Variants in MMP26 observed in about 807,000 individuals in gnomAD.
The protein encoded by MMP26 is matrix metallopeptidase 26.
In MMP26, 33 loss-of-function variants were observed where a neutral mutation model predicts 31.0. The observed-to-expected ratio is 1.06, with a 90% confidence interval of 0.81 to 1.42. The LOEUF is 1.42. Among genes scored for constraint, MMP26 ranks in the 40% most tolerant of loss-of-function variants. The pLI is 0.00. For missense variants in MMP26, 347 were observed against 316.1 expected (o/e 1.10, Z -0.74); for synonymous variants, 122 against 114.9 (o/e 1.06, Z -0.40).
intron 2 of MMP26, among the ~76,000 whole-genome samples, chr11:4,976,779 T>A (rs1307176714): frequency 6.6e-6 from 1 of 152,032 alleles, no homozygotes; most frequent in African/African-American, 2.4e-5. Flanking sequence ...GCATGTAAAT[T>A]AGCCATTGAA....
chr11:4,708,454 T>C (rs7112068), intron 1 of MMP26, among the ~76,000 whole-genome samples: 48,802 of 151,998 alleles, frequency 0.32, 9,594 homozygotes, highest in African/African-American at 0.55. Flanking sequence ...AGTTAACCTA[T>C]ACTCAAATAT....
At chr11:4,730,370 A>G (rs957378652) in intron 1 of MMP26, among the ~76,000 whole-genome samples, 16 of 150,050 alleles carry the variant, frequency 1.1e-4, no homozygotes, top group African/African-American at 3.5e-4. Flanking sequence ...TTCTCATCAC[A>G]TCTCCTTTTA....
At chr11:4,896,740 T>C (rs1268284548) in intron 2 of MMP26, among the ~76,000 whole-genome samples, 3 of 152,198 alleles carry the variant, frequency 2.0e-5, no homozygotes, top group African/African-American at 7.2e-5. Flanking sequence ...AAACACAAAG[T>C]GTATAGCTAA....
At chr11:4,769,690 A>C (rs997102885) in intron 2 of MMP26, 2 of 1,612,806 alleles carry the variant, frequency 1.2e-6, no homozygotes, top group African/African-American at 2.7e-5. Context: ...ATGAAGAAAC[A>C]GTCAAGCCCA....
intron 2 of MMP26, among the ~76,000 whole-genome samples, chr11:4,897,127 C>T (rs1325061810): frequency 6.8e-6 from 1 of 147,908 alleles, no homozygotes; most frequent in African/African-American, 2.5e-5. Context: ...GACACACACA[C>T]ACACACACGC....
intron 2 of MMP26, among the ~76,000 whole-genome samples, chr11:4,820,872 G>A (rs779258730): frequency 9.2e-5 from 14 of 151,632 alleles, no homozygotes; most frequent in Non-Finnish European, 1.5e-4. Context: ...CAACAAATGC[G>A]ATCAATATTT....
intron 2 of MMP26, among the ~76,000 whole-genome samples, chr11:4,843,280 TA>T (rs1849821341): frequency 1.3e-5 from 2 of 152,320 alleles, no homozygotes; most frequent in African/African-American, 4.8e-5. Flanking sequence ...GCTCCAACCC[TA>T]CATTTCCTCA....
At chr11:4,881,541 G>A (rs1195496215) in intron 2 of MMP26, among the ~76,000 whole-genome samples, 1 of 151,946 alleles carries the variant, frequency 6.6e-6, no homozygotes, top group Non-Finnish European at 1.5e-5. Flanking sequence ...TACCCCTCCT[G>A]TACATCATAT....
At chr11:4,814,160 G>A (rs1312059934) in intron 2 of MMP26, among the ~76,000 whole-genome samples, 2 of 152,142 alleles carry the variant, frequency 1.3e-5, no homozygotes, top group Non-Finnish European at 2.9e-5. Context: ...GTAAAAATGA[G>A]GAGCAATTGG....
chr11:4,915,317 T>G, intron 2 of MMP26: 1 of 1,613,740 alleles, frequency 6.2e-7, no homozygotes. Flanking sequence ...CACAGAGGAC[T>G]CGAGGAAGGA....
intron 2 of MMP26, chr11:4,803,577 G>A: frequency 1.9e-6 from 3 of 1,614,024 alleles, no homozygotes; most frequent in Non-Finnish European, 2.5e-6. Flanking sequence ...GCACATCATG[G>A]CCAAAGCGGT....
At chr11:4,814,170 G>C (rs1214393791) in intron 2 of MMP26, among the ~76,000 whole-genome samples, 1 of 152,116 alleles carries the variant, frequency 6.6e-6, no homozygotes, top group African/African-American at 2.4e-5. Flanking sequence ...GGAGCAATTG[G>C]AGCACTCATA....
chr11:4,844,708 A>G (rs1433154301), intron 2 of MMP26, among the ~76,000 whole-genome samples: 2 of 152,180 alleles, frequency 1.3e-5, no homozygotes, highest in Non-Finnish European at 2.9e-5. Flanking sequence ...GACAAAATTC[A>G]ACACCCCTTC....
At chr11:4,968,915 C>T (rs1846630283) in intron 2 of MMP26, among the ~76,000 whole-genome samples, 1 of 151,960 alleles carries the variant, frequency 6.6e-6, no homozygotes, top group Admixed American at 6.6e-5. Context: ...CTTTAGAATA[C>T]AATTACCTTT....
At chr11:4,891,328 T>G (rs1850618633) in intron 2 of MMP26, among the ~76,000 whole-genome samples, 1 of 152,078 alleles carries the variant, frequency 6.6e-6, no homozygotes, top group African/African-American at 2.4e-5. Context: ...GCATGTCACA[T>G]GGCAAAAACA....
At chr11:4,861,319 TA>T (rs1035377918) in intron 2 of MMP26, among the ~76,000 whole-genome samples, 4 of 150,554 alleles carry the variant, frequency 2.7e-5, no homozygotes, top group Non-Finnish European at 5.9e-5. Flanking sequence ...TATGCTTCTA[TA>T]AATAGAAGTA....
intron 2 of MMP26, chr11:4,955,768 A>T: frequency 6.6e-7 from 1 of 1,506,002 alleles, no homozygotes; most frequent in South Asian, 1.3e-5. Flanking sequence ...ACCTCAGGTG[A>T]TCCGCTTGCT....
intron 2 of MMP26, among the ~76,000 whole-genome samples, chr11:4,776,527 CTTCTCTGATGATTAGTGATATGG>C (rs2133427815): frequency 6.6e-6 from 1 of 152,054 alleles, no homozygotes; most frequent in East Asian, 1.9e-4. Context: ...TTAATTTGTA[CTTCTCTGATGATTAGTGATATGG>C]TTTGGCTCTG....
At chr11:4,871,569 C>T (rs1301205335) in intron 2 of MMP26, 1 of 152,092 alleles carries the variant, frequency 6.6e-6, no homozygotes, top group Non-Finnish European at 1.5e-5. Flanking sequence ...GCTCAGAAGC[C>T]TGGGTCTGTG....
Sources: allele counts gnomAD v4.1 joint callset (sites outside exome capture counted in the v4.1 genomes callset), GRCh38; gene constraint gnomAD v4.1.1; transcripts MANE v1.5; gene names NCBI Gene and HGNC (gene_info 2026-07-23, HGNC 2026-07-21).